WWOX: variants seen among roughly 807,000 people sequenced by gnomAD.
WWOX encodes WW domain-containing oxidoreductase.
WWOX carries 69 observed loss-of-function variants against 46.2 expected under a neutral mutation model. That is an observed-to-expected ratio of 1.49 (90% CI 1.23 to 1.82). The LOEUF (loss-of-function observed/expected upper bound fraction) is 1.82, where lower values mean the gene tolerates loss of function less well. WWOX is among the 40% of genes most tolerant of loss of function. The pLI, the probability that WWOX is intolerant of heterozygous loss-of-function variation, is 0.00. For missense variants in WWOX, 919 were observed against 542.6 expected (o/e 1.69, Z -6.89); for synonymous variants, 359 against 202.6 (o/e 1.77, Z -6.56).
chr16:78,164,331 C>G (rs369479691), intron 5 of WWOX, 42 bp downstream of exon 5: 1 of 1,561,472 alleles, frequency 6.4e-7, no homozygotes, highest in Non-Finnish European at 8.8e-7. Context: ...TTGTCAAATA[C>G]ACATGCCGGG....
chr16:78,723,106 G>C (rs915041445), intron 8 of WWOX, among the ~76,000 whole-genome samples: 1 of 152,146 alleles, frequency 6.6e-6, no homozygotes, highest in Non-Finnish European at 1.5e-5. Flanking sequence ...CCTTAAGGCT[G>C]ATTGAGTAAA....
At chr16:78,905,364 G>C (rs1567639351) in intron 8 of WWOX, among the ~76,000 whole-genome samples, 1 of 152,124 alleles carries the variant, frequency 6.6e-6, no homozygotes, top group Non-Finnish European at 1.5e-5. Context: ...GACTGTTGAT[G>C]GACGCTTGGA....
intron 8 of WWOX, among the ~76,000 whole-genome samples, chr16:78,550,415 G>A (rs1416805148): frequency 6.6e-6 from 1 of 152,230 alleles, no homozygotes; most frequent in African/African-American, 2.4e-5. Context: ...ATGGTTGTGT[G>A]ACAATAAAAC....
In WWOX at chr16:79,147,748, G is replaced by A. The variant is rs116199264; in HGVS notation, c.1057-63860G>A. On this transcript the variant is annotated intron_variant, in intron 8 of 8. Coordinates refer to ENST00000566780, the MANE Select transcript of WWOX (RefSeq NM_016373.4). ...ACTATATCTTCACCAGCATTTGGTGGTGTTGCAGTTTTTTATTTTAGCCAT... is the reference window on the plus strand; with the variant it reads ...ACTATATCTTCACCAGCATTTGGTGATGTTGCAGTTTTTTATTTTAGCCAT... Among the ~76,000 whole-genome samples the A allele has an allele frequency of 7.6e-4, 116 of 152,236 alleles. 1 individual carries two copies. Among genetic ancestry groups the A allele is most frequent in the African/African-American group, 2.7e-3 (114 of 41,542 alleles).
intron 8 of WWOX, among the ~76,000 whole-genome samples, chr16:78,904,878 A>G (rs546200323): frequency 6.6e-6 from 1 of 152,334 alleles, no homozygotes; most frequent in African/African-American, 2.4e-5. Context: ...CTTTTAAAGA[A>G]GCACACACAC....
intron 8 of WWOX, among the ~76,000 whole-genome samples, chr16:78,572,789 C>A (rs1280789743): frequency 6.6e-6 from 1 of 151,884 alleles, no homozygotes; most frequent in Admixed American, 6.6e-5. Flanking sequence ...AGGGACGGGG[C>A]ATGGTTGGGA....
chr16:78,612,704 G>T (rs1184920978), intron 8 of WWOX, among the ~76,000 whole-genome samples: 3 of 152,002 alleles, frequency 2.0e-5, no homozygotes, highest in Admixed American at 1.3e-4. Flanking sequence ...CAAACTCCTG[G>T]CCTCTCAAGC....
chr16:78,849,204 A>T (rs1245662007), intron 8 of WWOX, among the ~76,000 whole-genome samples: 1 of 152,172 alleles, frequency 6.6e-6, no homozygotes, highest in Admixed American at 6.5e-5. Context: ...AGTCTCTGGG[A>T]GCACTCACCT....
chr16:78,998,706 G>A (rs1046119979), intron 8 of WWOX, among the ~76,000 whole-genome samples: 6 of 152,190 alleles, frequency 3.9e-5, no homozygotes, highest in African/African-American at 1.4e-4. Context: ...TTTCATTATC[G>A]TTATTAACTG....
chr16:78,671,431 TAAAA>T (rs2047461077), intron 8 of WWOX, among the ~76,000 whole-genome samples: 1 of 152,122 alleles, frequency 6.6e-6, no homozygotes, highest in Non-Finnish European at 1.5e-5. Flanking sequence ...TCTCAAAAAT[TAAAA>T]AATAAAACAT....
intron 8 of WWOX, among the ~76,000 whole-genome samples, chr16:78,747,353 GTC>G (rs1199895938): frequency 4.0e-5 from 6 of 151,884 alleles, no homozygotes; most frequent in Non-Finnish European, 1.5e-5. Context: ...GACCACACCT[GTC>G]TAATTTCTTA....
intron 8 of WWOX, among the ~76,000 whole-genome samples, chr16:78,918,763 G>T (rs991438332): frequency 6.6e-6 from 1 of 152,132 alleles, no homozygotes; most frequent in Non-Finnish European, 1.5e-5. Flanking sequence ...CAGAATTAAT[G>T]CTCGGAGGAG....
rs150285033 is a variant in WWOX at position 79,212,263 on chromosome 16, C to T, written c.*467C>T. On this transcript the variant is annotated 3_prime_UTR_variant, in exon 9 of 9. Transcript: ENST00000566780. ...GCATTGATCCAGGAGATAATTGTTT[C>T]ATTCATCCTGACCAAGACTGAGCCA... 1.5e-5 allele frequency: 19 copies of T among 1,286,302 alleles called. No individual in the cohort carries two copies. Among genetic ancestry groups the T allele is most frequent in the East Asian group, 2.5e-5 (1 of 39,416 alleles). 79.7% of individuals were successfully genotyped at this position (1,286,302 alleles called of 1,614,324 possible). A position where few individuals can be genotyped will look rare whatever the true frequency, so the allele number is the denominator to read the frequency against.
intron 8 of WWOX, among the ~76,000 whole-genome samples, chr16:78,611,774 A>G (rs552220300): frequency 3.3e-5 from 5 of 152,356 alleles, no homozygotes; most frequent in Middle Eastern, 3.4e-3. Context: ...TCACTCCAGT[A>G]TCAGCTTCAG....
chr16:78,776,174 C>T (rs1597590827), intron 8 of WWOX, among the ~76,000 whole-genome samples: 1 of 152,090 alleles, frequency 6.6e-6, no homozygotes, highest in South Asian at 2.1e-4. Flanking sequence ...CTGCATTCAT[C>T]TCAGAAGGAT....
At chr16:78,777,895 A>G (rs1026034162) in intron 8 of WWOX, among the ~76,000 whole-genome samples, 7 of 152,040 alleles carry the variant, frequency 4.6e-5, no homozygotes, top group Admixed American at 3.9e-4. Flanking sequence ...AAATATAAAA[A>G]TGAGCTGGGT....
At chr16:78,580,557 A>G (rs1245338875) in intron 8 of WWOX, among the ~76,000 whole-genome samples, 2 of 152,236 alleles carry the variant, frequency 1.3e-5, no homozygotes, top group Admixed American at 6.5e-5. Flanking sequence ...GGCCTGAACA[A>G]AAGACACAGA....
intron 8 of WWOX, among the ~76,000 whole-genome samples, chr16:78,817,078 C>A (rs975990524): frequency 6.6e-6 from 1 of 151,910 alleles, no homozygotes; most frequent in African/African-American, 2.4e-5. Flanking sequence ...GTCAAACCTT[C>A]CCCTAACCCT....
intron 4 of WWOX, among the ~76,000 whole-genome samples, chr16:78,138,412 TCAGAA>T (rs1484503257): frequency 2.2e-5 from 3 of 136,958 alleles, no homozygotes; most frequent in Non-Finnish European, 3.3e-5. Context: ...TGTGGTTAGC[TCAGAA>T]TAAGGATGTG....
Sources: allele counts gnomAD v4.1 joint callset (sites outside exome capture counted in the v4.1 genomes callset), GRCh38; gene constraint gnomAD v4.1.1; transcripts MANE v1.5; gene names NCBI Gene and HGNC (gene_info 2026-07-23, HGNC 2026-07-21).